The following CNTN5 variants were observed in gnomAD, a reference collection of about 807,000 sequenced individuals.
The protein encoded by CNTN5 is contactin 5.
In CNTN5, 77 loss-of-function variants were observed where a neutral mutation model predicts 129.1. The ratio of observed to expected loss-of-function variants is 0.60; its 90% confidence interval spans 0.50 to 0.72. The LOEUF (loss-of-function observed/expected upper bound fraction) is 0.72. CNTN5 is among the 30% of genes least tolerant of loss of function. The pLI is 0.00. For missense variants in CNTN5, 1,478 were observed against 1,328.8 expected (o/e 1.11, Z -1.75); for synonymous variants, 509 against 465.6 (o/e 1.09, Z -1.20).
Position 100,267,253 on chromosome 11 carries a change from C to CCACA in CNTN5, c.2165-3814_2165-3811dup, listed in dbSNP as rs113458728. On this transcript the variant is annotated intron_variant, in intron 17 of 24. Coordinates refer to ENST00000524871, the MANE Select transcript of CNTN5 (RefSeq NM_014361.4). ...CCTTCTTTGTTTTCACATGAATCAACCACACACACACACACACACACACAC... is the reference window on the plus strand; with the variant it reads ...CCTTCTTTGTTTTCACATGAATCAACCACACACACACACACACACACACACACAC... Among the ~76,000 whole-genome samples, 527 of 143,842 alleles carry CCACA rather than the reference C, an allele frequency of 3.7e-3. 4 individuals carry two copies. Among genetic ancestry groups the CCACA allele is most frequent in the African/African-American group, 6.1e-3 (236 of 38,604 alleles). The allele number at this position is 143,842 out of a possible 152,430, so 94.4% of individuals were successfully genotyped here.
At chr11:99,732,421 T>G (rs1356350323) in intron 3 of CNTN5, among the ~76,000 whole-genome samples, 6 of 124,264 alleles carry the variant, frequency 4.8e-5, no homozygotes, top group Admixed American at 3.1e-4. Flanking sequence ...GTATAATAAC[T>G]CAGTATAATA....
At chr11:99,954,190 T>A (rs1950743190) in intron 7 of CNTN5, among the ~76,000 whole-genome samples, 1 of 152,016 alleles carries the variant, frequency 6.6e-6, no homozygotes, top group African/African-American at 2.4e-5. Flanking sequence ...GGGAAAAAAA[T>A]TGATCCTAAG....
At chr11:100,000,325 C>T (rs1159458160) in intron 8 of CNTN5, among the ~76,000 whole-genome samples, 2 of 151,890 alleles carry the variant, frequency 1.3e-5, no homozygotes, top group Admixed American at 1.3e-4. Context: ...AGAAATTGGC[C>T]AAAACAAAGA....
intron 2 of CNTN5, among the ~76,000 whole-genome samples, chr11:99,545,084 G>A (rs72995237): frequency 0.064 from 9,732 of 152,166 alleles, 357 homozygotes; most frequent in Non-Finnish European, 0.077. Context: ...TACAGAATAC[G>A]TTCCCAAGTT....
chr11:99,979,519 G>A (rs962453798), intron 8 of CNTN5, among the ~76,000 whole-genome samples: 1 of 152,132 alleles, frequency 6.6e-6, no homozygotes, highest in African/African-American at 2.4e-5. Context: ...CATCTTTTAT[G>A]TTTTTGTGTG....
intron 13 of CNTN5, among the ~76,000 whole-genome samples, chr11:100,146,474 G>C (rs956068131): frequency 2.0e-5 from 3 of 152,094 alleles, no homozygotes; most frequent in African/African-American, 4.8e-5. Context: ...AGGGCTGAGA[G>C]TATAATTACA....
rs554884737 is a variant in CNTN5, at chr11:99,259,577, G to A, written c.-209-65769G>A. On this transcript the variant is annotated intron_variant, in intron 1 of 24. Coordinates refer to ENST00000524871, the MANE Select transcript of CNTN5 (RefSeq NM_014361.4). ...ATAGGCATGGTCTTTGTTTTGACAT[G>A]TTTTCTTCCTGAACTACAGTAATTT... Among the ~76,000 whole-genome samples, 4 of 151,826 alleles carry A rather than the reference G, an allele frequency of 2.6e-5. No individual in the cohort carries two copies. The East Asian group carries it at 7.7e-4, about 29-fold the overall frequency.
intron 2 of CNTN5, among the ~76,000 whole-genome samples, chr11:99,437,945 A>G (rs138512664): frequency 2.6e-5 from 4 of 152,326 alleles, no homozygotes; most frequent in East Asian, 3.9e-4. Flanking sequence ...TGTATTTTCC[A>G]TATATTAAAA....
chr11:99,765,886 C>T (rs748004869), intron 3 of CNTN5, among the ~76,000 whole-genome samples: 1 of 151,580 alleles, frequency 6.6e-6, no homozygotes, highest in Non-Finnish European at 1.5e-5. Flanking sequence ...TAAGAGTAGC[C>T]TAGAGTCAAA....
At chr11:99,732,153 A>G (rs1943556171) in intron 3 of CNTN5, among the ~76,000 whole-genome samples, 1 of 152,198 alleles carries the variant, frequency 6.6e-6, no homozygotes, top group Admixed American at 6.5e-5. Context: ...AGGATTTAAA[A>G]GGTTTATGCA....
chr11:100,102,511 G>A (rs540901319), intron 13 of CNTN5, among the ~76,000 whole-genome samples: 40 of 152,096 alleles, frequency 2.6e-4, no homozygotes, highest in African/African-American at 8.2e-4. Flanking sequence ...AATAAGAGAC[G>A]TGGGAGAATG....
At chr11:99,488,184 C>CT (rs1945892675) in intron 2 of CNTN5, among the ~76,000 whole-genome samples, 1 of 60,798 alleles carries the variant, frequency 1.6e-5, no homozygotes. Context: ...TTTTTTTCCT[C>CT]TTTTTTGACA....
chr11:99,917,369 A>C (rs962224985), intron 7 of CNTN5, among the ~76,000 whole-genome samples: 1 of 152,136 alleles, frequency 6.6e-6, no homozygotes, highest in African/African-American at 2.4e-5. Flanking sequence ...TTTCAAGACA[A>C]CATCTGTTTT....
intron 1 of CNTN5, among the ~76,000 whole-genome samples, chr11:99,080,872 G>A (rs549539647): frequency 6.6e-5 from 10 of 152,076 alleles, no homozygotes; most frequent in African/African-American, 1.7e-4. Flanking sequence ...TTTAGACAAC[G>A]TGCATAACTT....
chr11:99,394,014 C>A (rs1371850791), intron 2 of CNTN5, among the ~76,000 whole-genome samples: 1 of 151,652 alleles, frequency 6.6e-6, no homozygotes, highest in Admixed American at 6.6e-5. Flanking sequence ...TCTTTCTTAA[C>A]GAGTCTTTAA....
At chr11:99,919,776 C>G (rs567286366) in intron 7 of CNTN5, among the ~76,000 whole-genome samples, 3 of 151,162 alleles carry the variant, frequency 2.0e-5, no homozygotes, top group Non-Finnish European at 4.4e-5. Context: ...TGCTTTCTGT[C>G]TCTATAGTTT....
chr11:99,409,073 A>G (rs557044054), intron 2 of CNTN5, among the ~76,000 whole-genome samples: 3 of 152,310 alleles, frequency 2.0e-5, no homozygotes, highest in African/African-American at 7.2e-5. Context: ...AAGTAATCTA[A>G]TTATGTGGCC....
At chr11:99,887,825 T>C (rs1026122806) in intron 6 of CNTN5, among the ~76,000 whole-genome samples, 3 of 152,190 alleles carry the variant, frequency 2.0e-5, no homozygotes, top group Admixed American at 6.5e-5. Flanking sequence ...TTCCGCCTAC[T>C]TCACTCTAGC....
At chr11:99,032,698 T>G (rs1165459217) in intron 1 of CNTN5, among the ~76,000 whole-genome samples, 1 of 150,576 alleles carries the variant, frequency 6.6e-6, no homozygotes, top group East Asian at 2.0e-4. Flanking sequence ...TTGCGAAAAT[T>G]TTCTCCCATT....
Sources: gnomAD v4.1 joint callset for allele counts (sites outside exome capture counted in the v4.1 genomes callset) on GRCh38, gnomAD v4.1.1 for gene constraint, MANE v1.5 for transcripts, NCBI Gene and HGNC (gene_info 2026-07-23, HGNC 2026-07-21) for gene names.